Variants in TRPM2 observed in about 807,000 individuals in gnomAD.
TRPM2 encodes transient receptor potential cation channel subfamily M member 2.
In TRPM2, 161 loss-of-function variants were observed where a neutral mutation model predicts 174.0. The observed-to-expected ratio is 0.93, with a 90% CI of 0.81 to 1.05. The LOEUF (loss-of-function observed/expected upper bound fraction) is 1.05. Among genes scored for constraint, TRPM2 ranks in the 50% least tolerant of loss-of-function variants. The pLI, the probability that TRPM2 is intolerant of heterozygous loss-of-function variation, is 0.00. For missense variants in TRPM2, 2,057 were observed against 2,038.0 expected (o/e 1.01, Z -0.18); for synonymous variants, 954 against 861.3 (o/e 1.11, Z -1.88).
upstream of TRPM2, among the ~76,000 whole-genome samples, chr21:44,352,133 C>A (rs2122922207): frequency 1.6e-3 from 251 of 152,340 alleles, 1 homozygote; most frequent in African/African-American, 5.9e-3. Flanking sequence ...ATCTCTGCCC[C>A]TCTGCTTCCC....
chr21:44,433,076 G>A (rs893120017), intron 27 of TRPM2, among the ~76,000 whole-genome samples: 2 of 152,146 alleles, frequency 1.3e-5, no homozygotes, highest in Admixed American at 6.5e-5. Flanking sequence ...ATGGTGGTCC[G>A]AAGCCCCTGC....
At chr21:44,418,326 C>A in intron 21 of TRPM2, 97 bp from the exon 22 acceptor site, 1 of 1,510,430 alleles carries the variant, frequency 6.6e-7, no homozygotes, top group Non-Finnish European at 9.0e-7. Flanking sequence ...CCACTCAGGA[C>A]TGGCCCCCTC....
chr21:44,439,661 C>T lies in TRPM2; in HGVS notation c.4269+493C>T, dbSNP rs1039969576. On this transcript the variant is annotated intron_variant, in intron 30 of 31. Transcript: ENST00000397928. The surrounding 1 kb of genome is among the most constrained non-coding windows in gnomAD (Gnocchi z 5.1). ...TTTTTATTTACTTCTTTAGAAACCT[C>T]GATCTTTCCTTAGAAAGCCTCCATC... is the stretch of plus-strand genomic sequence containing the variant. Among the ~76,000 whole-genome samples, 2 of 152,172 alleles carry T rather than the reference C, an allele frequency of 1.3e-5. No homozygotes were observed. Among genetic ancestry groups the T allele is most frequent in the African/African-American group, 2.4e-5 (1 of 41,440 alleles).
rs1261388973 is a variant in TRPM2 at position 44,438,420 on chromosome 21, A to G, written c.4168-647A>G. On this transcript the variant is annotated intron_variant, in intron 29 of 31. Transcript: ENST00000397928. This position sits in a 1 kb window ranked among gnomAD's most constrained non-coding sequence, Gnocchi z 5.9. ...GGGCCTCCTGGGTTCCTGGCTCTGT[A>G]GGGCACGCACGCTTGAGGGTGGGAG... 1.3e-5 allele frequency among the ~76,000 whole-genome samples: 2 copies of G among 152,092 alleles called. No individual in the cohort carries two copies. The highest frequency in any genetic ancestry group is 2.9e-5 in the Non-Finnish European group (2 of 67,998).
chr21:44,354,049 G>A lies in TRPM2; in HGVS notation c.165+184G>A, dbSNP rs1293405635. The stretch of plus-strand genomic sequence containing the variant: ...GGTGATGCGTGTCTCGTCTTCTGTG[G>A]GTTGCATGACCATTTCCCATGGTTG... On this transcript the variant is annotated intron_variant, in intron 1 of 31. Coordinates refer to ENST00000397928, the MANE Select transcript of TRPM2 (RefSeq NM_003307.4). The surrounding 1 kb of genome is among the most constrained non-coding windows in gnomAD (Gnocchi z 4.3). Among the ~76,000 whole-genome samples the A allele has an allele frequency of 6.6e-6, 1 of 152,212 alleles. No individual in the cohort carries two copies. The highest frequency in any genetic ancestry group is 2.1e-4 in the South Asian group (1 of 4,832).
In TRPM2 at chr21:44,353,866, G is replaced by A. The variant is rs372012789; in HGVS notation, c.165+1G>A. On this transcript the variant is annotated splice_donor_variant, in intron 1 of 31. Transcript: ENST00000397928. LOFTEE classifies it high-confidence loss of function. ...GTGCCCCTTCGGCAACAATGACAAG[G>A]TAGGCTTTCTGCTGGTCAGCCTGCA... 1 of 1,597,698 alleles carries A rather than the reference G, an allele frequency of 6.3e-7. No individual in the cohort carries two copies. The highest frequency in any genetic ancestry group is 8.5e-7 in the Non-Finnish European group (1 of 1,173,306).
Position 44,403,471 on chromosome 21 carries a change from T to C in TRPM2, c.2538+1574T>C, listed in dbSNP as rs1185885650. ...GGCGCTGCTCCAACACACACACACA[T>C]GCACACACATGCATACACATACAGG... On this transcript the variant is annotated intron_variant, in intron 16 of 31. Coordinates refer to ENST00000397928, the MANE Select transcript of TRPM2 (RefSeq NM_003307.4). Among the ~76,000 whole-genome samples the C allele has an allele frequency of 5.9e-5, 9 of 152,132 alleles. No individual in the cohort carries two copies. In the East Asian group the frequency reaches 1.7e-3, roughly 29 times the overall value.
At chr21:44,406,110 G>A in intron 18 of TRPM2, 73 bp downstream of exon 18, 1 of 1,572,610 alleles carries the variant, frequency 6.4e-7, no homozygotes, top group Non-Finnish European at 8.6e-7. Context: ...CAGGCCCCTT[G>A]CCAGTGGCTC....
chr21:44,361,923 G>T (rs2048219500), intron 2 of TRPM2, among the ~76,000 whole-genome samples: 1 of 152,162 alleles, frequency 6.6e-6, no homozygotes, highest in African/African-American at 2.4e-5. Context: ...TGGCCAGGCT[G>T]GTCTCAAGCT....
rs769314021 is a variant in TRPM2 at position 44,405,153 on chromosome 21, C to A, written c.2550C>A (p.Asp850Glu). 3 of 1,613,364 alleles carry A rather than the reference C, an allele frequency of 1.9e-6. No homozygotes were observed. Among genetic ancestry groups the A allele is most frequent in the African/African-American group, 1.3e-5 (1 of 74,930 alleles). ...VCEEMRQLFY[D>E]PDECGLMKKA... ...CCTCTTCCCAGTAGCTCTTCTATGA[C>A]CCTGACGAGTGCGGGCTGATGAAGA... The change falls in exon 17 of 32, where the codon GAC becomes GAA. Residue 850 changes from aspartate to glutamate, a missense_variant. Asp to Glu is a conservative substitution (Grantham distance 45). Transcript: ENST00000397928.
chr21:44,391,360 T>G lies in TRPM2; in HGVS notation c.1529T>G (p.Leu510Arg), dbSNP rs2049167673. The change falls in exon 11 of 32, where the codon CTG becomes CGG. Residue 510 changes from leucine (L) to arginine (R), a missense_variant. Physicochemically the swap from Leu to Arg is moderately radical, Grantham distance 102. Coordinates refer to ENST00000397928, the MANE Select transcript of TRPM2 (RefSeq NM_003307.4). The surrounding 1 kb of genome is among the most constrained non-coding windows in gnomAD (Gnocchi z 5.0). ...CTCTTCCTGGAGAACGGGGTGCAGC[T>G]GAAGGAGTTTGTCACCTGGGACACC... ...VKLFLENGVQ[L>R]KEFVTWDTLL... 6.2e-7 allele frequency: 1 copy of G among 1,614,142 alleles called. No individual in the cohort carries two copies. Among genetic ancestry groups the G allele is most frequent in the Non-Finnish European group, 8.5e-7 (1 of 1,180,030 alleles).
intron 9 of TRPM2, among the ~76,000 whole-genome samples, chr21:44,389,815 G>T (rs1002744134): frequency 6.6e-6 from 1 of 151,810 alleles, no homozygotes; most frequent in African/African-American, 2.4e-5. Context: ...TTTTCTCATG[G>T]TGTGTAGTTT....
chr21:44,399,866 C>T lies in TRPM2; in HGVS notation c.2209-393C>T, dbSNP rs1195220640. 5.3e-5 allele frequency among the ~76,000 whole-genome samples: 8 copies of T among 152,164 alleles called. No homozygotes were observed. The highest frequency in any genetic ancestry group is 1.9e-4 in the East Asian group (1 of 5,172). ...ACCCCCGGCAGGGCCTGGCTCCCAG[C>T]GAGTGCCCCTTGCACGCTGGGCTTC... On this transcript the variant is annotated intron_variant, in intron 14 of 31. Transcript: ENST00000397928. This position sits in a 1 kb window ranked among gnomAD's most constrained non-coding sequence, Gnocchi z 4.6.
In TRPM2 at chr21:44,441,968, A is replaced by G; in HGVS notation, c.*151A>G. Reference sequence around the variant, plus strand: ...CCCAGTGCCCCTCACGGCTGCCGCAAGTCTGCTGCAGATGACCTCATGAAC... The same window carrying G: ...CCCAGTGCCCCTCACGGCTGCCGCAGGTCTGCTGCAGATGACCTCATGAAC... On this transcript the variant is annotated 3_prime_UTR_variant, in exon 32 of 32. Transcript: ENST00000397928. The G allele has an allele frequency of 1.7e-6, 2 of 1,158,440 alleles. No individual in the cohort carries two copies. The highest frequency in any genetic ancestry group is 1.1e-6 in the Non-Finnish European group (1 of 877,132). 71.8% of individuals were successfully genotyped at this position (1,158,440 alleles called of 1,614,324 possible). A position where few individuals can be genotyped will look rare whatever the true frequency, so the allele number is the denominator to read the frequency against.
intron 22 of TRPM2, chr21:44,422,546 A>G: frequency 7.9e-7 from 1 of 1,264,118 alleles, no homozygotes; most frequent in Non-Finnish European, 1.1e-6. Flanking sequence ...TCATATCCCC[A>G]GAAAGTTTCT....
At chr21:44,373,619 C>T (rs1188617163) in intron 5 of TRPM2, among the ~76,000 whole-genome samples, 1 of 123,486 alleles carries the variant, frequency 8.1e-6, no homozygotes, top group Admixed American at 8.1e-5. Flanking sequence ...TTATATGCGA[C>T]CTGCATTATA....
At position 44,401,843 on chromosome 21, in the gene TRPM2, C is replaced by T. The variant is rs145861424; in HGVS notation, c.2484C>T (p.Cys828=). The change falls in exon 16 of 32, where the codon TGC becomes TGT. Residue 828 remains cysteine (C), a synonymous_variant. Coordinates refer to ENST00000397928, the MANE Select transcript of TRPM2 (RefSeq NM_003307.4). ...ACTTCCAGCCTGTGCCCTCCTGGTG[C>T]GAGTGTGCCATCTACCTCTGGCTCT... is the stretch of plus-strand genomic sequence containing the variant. ...MVDFQPVPSW[C]ECAIYLWLFS... is the part of the protein sequence containing the mutation. The T allele has an allele frequency of 3.8e-5, 62 of 1,613,908 alleles. No individual in the cohort carries two copies. The highest frequency in any genetic ancestry group is 4.7e-5 in the Non-Finnish European group (55 of 1,180,006).
At chr21:44,369,094 C>T (rs1276709366) in intron 4 of TRPM2, 83 bp from the exon 5 acceptor site, 2 of 1,408,014 alleles carry the variant, frequency 1.4e-6, no homozygotes, top group African/African-American at 1.5e-5. Context: ...ATCGCTGAGC[C>T]TAGAAGGGCT....
chr21:44,378,953 G>T, intron 7 of TRPM2, 44 bp from the exon 8 acceptor site: 1 of 1,581,996 alleles, frequency 6.3e-7, no homozygotes, highest in Non-Finnish European at 8.6e-7. Flanking sequence ...GCATCGGAGC[G>T]GTGAGGACCC....
Sources: allele counts gnomAD v4.1 joint callset (sites outside exome capture counted in the v4.1 genomes callset), GRCh38; gene constraint gnomAD v4.1.1; non-coding constraint Gnocchi (gnomAD v3.1); transcripts MANE v1.5; gene names NCBI Gene and HGNC (gene_info 2026-07-23, HGNC 2026-07-21).